The following MTA1 variants were observed in gnomAD, a reference collection of about 807,000 sequenced individuals.
The protein encoded by MTA1 is metastasis associated 1.
A neutral mutation model predicts 97.0 loss-of-function variants in MTA1; 15 were observed. The observed-to-expected ratio is 0.15, with a 90% CI of 0.10 to 0.24. MTA1 has a LOEUF of 0.24. Ranked by LOEUF, MTA1 falls within the 10% of genes least tolerant of loss-of-function variation. The pLI, the probability that MTA1 is intolerant of heterozygous loss-of-function variation, is 1.00. For missense variants in MTA1, 709 were observed against 1,015.1 expected, an observed-to-expected ratio of 0.70 and a Z score of 4.10; for synonymous variants, 435 against 417.5, an observed-to-expected ratio of 1.04 and a Z score of -0.51.
At chr14:105,464,925 C>T in intron 15 of MTA1, 62 bp downstream of exon 15, 1 of 1,495,706 alleles carries the variant, frequency 6.7e-7, no homozygotes. Flanking sequence ...GAGCAGCAAC[C>T]TTGGGGCCCA....
rs782742817 is a variant in MTA1 at position 105,450,289 on chromosome 14, G to A, written c.397G>A (p.Glu133Lys). 1.2e-6 allele frequency: 2 copies of A among 1,607,704 alleles called. No homozygotes were observed. Among genetic ancestry groups the A allele is most frequent in the Non-Finnish European group, 1.7e-6 (2 of 1,175,508 alleles). Residue 133 changes from glutamate to lysine, a missense_variant, in exon 6 of 21, where the codon GAG becomes AAG. Around this residue, in one of 2 missense-constraint regions of MTA1, gnomAD observed 321 missense variants for 593.5 expected, o/e 0.54. Coordinates refer to ENST00000331320, the MANE Select transcript of MTA1 (RefSeq NM_004689.4). ...RGKCSVTLLNETESLKSYLER... is the reference protein window; with the variant it reads ...RGKCSVTLLNKTESLKSYLER... ...CAAGTGCAGCGTCACCCTGCTCAAC[G>A]AGACCGAGTCGCTCAAGTCCTACCT...
intron 2 of MTA1, among the ~76,000 whole-genome samples, chr14:105,443,281 C>T (rs1326314387): frequency 2.0e-5 from 3 of 152,170 alleles, no homozygotes; most frequent in African/African-American, 7.2e-5. Context: ...AGGAGATGCA[C>T]GTCCCAAACA....
chr14:105,451,788 T>C (rs1555428767), intron 6 of MTA1, among the ~76,000 whole-genome samples: 4 of 139,316 alleles, frequency 2.9e-5, no homozygotes, highest in Admixed American at 7.1e-5. Flanking sequence ...TTTTTGTTTT[T>C]TTTTTTTTTT....
In MTA1 at chr14:105,470,220, C is replaced by G. The variant is rs781889460; in HGVS notation, c.*5C>G. On this transcript the variant is annotated 3_prime_UTR_variant, in exon 21 of 21. Transcript: ENST00000331320. ...CCCATCGTCATCGAGGACTAGGGGC[C>G]GCCCCCACCTGCGGCCGCCCCCCGC... 1.9e-6 allele frequency: 3 copies of G among 1,560,676 alleles called. No homozygotes were observed. The highest frequency in any genetic ancestry group is 3.8e-5 in the Admixed American group (2 of 52,416).
At chr14:105,455,676 T>G (rs925974363) in intron 7 of MTA1, among the ~76,000 whole-genome samples, 5 of 152,228 alleles carry the variant, frequency 3.3e-5, no homozygotes, top group Non-Finnish European at 7.3e-5. Context: ...TTCTTGATTG[T>G]CCGTAAGGTG....
chr14:105,434,188 G>A (rs782473578), intron 1 of MTA1, among the ~76,000 whole-genome samples: 4 of 152,186 alleles, frequency 2.6e-5, no homozygotes, highest in African/African-American at 9.7e-5. Flanking sequence ...TATCCTTGGT[G>A]TGGCCTCTTG....
chr14:105,444,652 G>C (rs149121244), intron 2 of MTA1, among the ~76,000 whole-genome samples: 1 of 151,856 alleles, frequency 6.6e-6, no homozygotes, highest in African/African-American at 2.4e-5. Context: ...TTAGCTGGTC[G>C]TGGTGGCTCA....
rs782339412 is a variant in MTA1 at position 105,464,056 on chromosome 14, C to G, written c.1101C>G (p.Ile367Met). ...GTAACAAGCCAAATCCGAACCAAAT[C>G]AGCGTCAACAACGTCAAGGCCGGTG... is the stretch of plus-strand genomic sequence containing the variant. ...PNYNKPNPNQ[I>M]SVNNVKAGVV... The change falls in exon 13 of 21, where the codon ATC becomes ATG. Residue 367 changes from isoleucine to methionine, a missense_variant. Coordinates refer to ENST00000331320, the MANE Select transcript of MTA1 (RefSeq NM_004689.4). 1.6e-5 allele frequency: 25 copies of G among 1,612,528 alleles called. No individual in the cohort carries two copies. Among genetic ancestry groups the G allele is most frequent in the Non-Finnish European group, 1.9e-5 (23 of 1,179,808 alleles).
rs192639340 is a variant in MTA1 at position 105,445,573 on chromosome 14, G to A, written c.190+62G>A. The A allele has an allele frequency of 3.3e-4, 518 of 1,562,298 alleles. 3 individuals are homozygous for A. In the East Asian group the frequency reaches 0.011, roughly 34 times the overall value. The stretch of plus-strand genomic sequence containing the variant: ...GAGGGTCGGCTGGGGAGGGCTGGCG[G>A]GGTCCTTCTTCCCTAGGGCCCATCG... On this transcript the variant is annotated intron_variant, in intron 3 of 20. Transcript: ENST00000331320.
intron 4 of MTA1, among the ~76,000 whole-genome samples, chr14:105,449,717 C>T (rs587749379): frequency 9.9e-5 from 15 of 152,228 alleles, no homozygotes; most frequent in East Asian, 9.7e-4. Flanking sequence ...TCTTGGCAGC[C>T]GCCGACTCCC....
At chr14:105,435,832 A>G (rs1456627059) in intron 1 of MTA1, among the ~76,000 whole-genome samples, 7 of 152,220 alleles carry the variant, frequency 4.6e-5, no homozygotes, top group African/African-American at 1.2e-4. Flanking sequence ...AAAGTCCTCC[A>G]TAATACTCCT....
intron 13 of MTA1, 113 bp downstream of exon 13, chr14:105,464,260 TG>T: frequency 8.5e-7 from 1 of 1,175,958 alleles, no homozygotes; most frequent in Non-Finnish European, 1.1e-6. Context: ...CCACTGACGA[TG>T]GGGGCTGCGT....
At chr14:105,465,209 C>G (rs1555432434) in intron 16 of MTA1, 26 bp downstream of exon 16, 2 of 1,486,378 alleles carry the variant, frequency 1.3e-6, no homozygotes, top group Admixed American at 2.2e-5. Context: ...TGCTGGGGGG[C>G]TCCCAATGCT....
chr14:105,456,808 C>T (rs959550928), intron 7 of MTA1, among the ~76,000 whole-genome samples: 2 of 152,218 alleles, frequency 1.3e-5, no homozygotes, highest in South Asian at 2.1e-4. Flanking sequence ...GAGGAGTCCA[C>T]ACCAGGCTGA....
intron 2 of MTA1, among the ~76,000 whole-genome samples, chr14:105,440,050 G>A (rs1285414522): frequency 2.6e-5 from 4 of 152,322 alleles, no homozygotes; most frequent in East Asian, 1.9e-4. Flanking sequence ...CATGGGGTGC[G>A]ACATCTGCTC....
chr14:105,436,129 C>G (rs587688034), intron 1 of MTA1, among the ~76,000 whole-genome samples: 1 of 152,012 alleles, frequency 6.6e-6, no homozygotes, highest in Non-Finnish European at 1.5e-5. Flanking sequence ...ATTAACTGGG[C>G]GTGGTGGTAG....
At chr14:105,460,185 C>T (rs2083296311) in intron 8 of MTA1, among the ~76,000 whole-genome samples, 173 bp from the exon 9 acceptor site, 1 of 142,748 alleles carries the variant, frequency 7.0e-6, no homozygotes, top group Non-Finnish European at 1.5e-5. Flanking sequence ...AGTGGTGTGC[C>T]TGGGGGAAGT....
At chr14:105,467,836 T>C (rs1555433280) in intron 18 of MTA1, 4 of 248,856 alleles carry the variant, frequency 1.6e-5, no homozygotes, top group Middle Eastern at 1.5e-3. Flanking sequence ...AGGGAGTCCT[T>C]GTCAGCAGGC....
At chr14:105,426,375 C>CCAAAAA (rs1555422287) in intron 1 of MTA1, among the ~76,000 whole-genome samples, 1 of 104,094 alleles carries the variant, frequency 9.6e-6, no homozygotes, top group African/African-American at 4.0e-5. Flanking sequence ...CTTCGTCTCA[C>CCAAAAA]AAAAAAAAAA....
Sources: gnomAD v4.1 joint callset for allele counts (sites outside exome capture counted in the v4.1 genomes callset) on GRCh38, gnomAD v4.1.1 for gene constraint, gnomAD v4.1.1 regional missense constraint, MANE v1.5 for transcripts, NCBI Gene and HGNC (gene_info 2026-07-23, HGNC 2026-07-21) for gene names.